GRIN2D: variants seen among roughly 807,000 people sequenced by gnomAD.
GRIN2D encodes glutamate ionotropic receptor NMDA type subunit 2D, also known as glutamate receptor ionotropic, NMDA 2D.
A neutral mutation model predicts 103.2 loss-of-function variants in GRIN2D; 37 were observed. The ratio of observed to expected loss-of-function variants is 0.36; its 90% confidence interval spans 0.28 to 0.47. The LOEUF (loss-of-function observed/expected upper bound fraction) is 0.47. Ranked by LOEUF, GRIN2D falls within the 20% of genes least tolerant of loss-of-function variation. The probability of loss-of-function intolerance (pLI) is 1.00; values close to 1 mark genes in which losing one functional copy is unlikely to be tolerated. For missense variants in GRIN2D, 1,557 were observed against 1,910.6 expected (o/e 0.81, Z 3.45); for synonymous variants, 845 against 885.6 (o/e 0.95, Z 0.81).
chr19:48,434,560 CTTCTT>C (rs1053619160), intron 11 of GRIN2D, among the ~76,000 whole-genome samples: 14 of 151,866 alleles, frequency 9.2e-5, no homozygotes, highest in African/African-American at 2.4e-4. Flanking sequence ...GCCTGGCCCA[CTTCTT>C]TTCTTTTCTT....
At chr19:48,436,105 C>T (rs1290676293) in intron 11 of GRIN2D, among the ~76,000 whole-genome samples, 2 of 152,096 alleles carry the variant, frequency 1.3e-5, no homozygotes, top group Non-Finnish European at 2.9e-5. Context: ...TTTATCAAGA[C>T]GGGGGGTCTG....
chr19:48,410,824 GGAA>G (rs1204771580), intron 4 of GRIN2D, among the ~76,000 whole-genome samples: 7 of 152,122 alleles, frequency 4.6e-5, no homozygotes, highest in African/African-American at 1.4e-4. Flanking sequence ...CCCCAGGCCA[GGAA>G]GAAGGAGACT....
At chr19:48,435,840 C>T (rs1225454799) in intron 11 of GRIN2D, among the ~76,000 whole-genome samples, 1 of 152,244 alleles carries the variant, frequency 6.6e-6, no homozygotes, top group African/African-American at 2.4e-5. Flanking sequence ...AAGTCCCTGC[C>T]TCATGGAACT....
At chr19:48,404,697 C>T in intron 3 of GRIN2D, 37 bp from the exon 4 acceptor site, 1 of 1,545,364 alleles carries the variant, frequency 6.5e-7, no homozygotes, top group Non-Finnish European at 8.7e-7. Flanking sequence ...AAGGTCCCCA[C>T]ATCGGCAGGC....
chr19:48,415,141 C>T (rs1020048019), intron 7 of GRIN2D, 109 bp downstream of exon 7: 3 of 1,025,582 alleles, frequency 2.9e-6, no homozygotes, highest in Non-Finnish European at 4.2e-6. Context: ...GAAGCCGAGG[C>T]GGGCGAATTG....
Position 48,414,172 on chromosome 19 carries a change from G to A in GRIN2D, c.1200+67G>A, listed in dbSNP as rs753257262. The A allele has an allele frequency of 3.8e-5, 40 of 1,050,980 alleles. No individual in the cohort carries two copies. Among genetic ancestry groups the A allele is most frequent in the Non-Finnish European group, 5.3e-5 (36 of 679,750 alleles). The allele number at this position is 1,050,980 out of a possible 1,614,324, so 65.1% of individuals were successfully genotyped here. The stretch of plus-strand genomic sequence containing the variant: ...GACTCCTGCATCCTGGCAGAGGGGG[G>A]GCTTGAGGTCGTGGACTAAGAGGGA... On this transcript the variant is annotated intron_variant, in intron 5 of 13. Transcript: ENST00000263269. This position sits in a 1 kb window ranked among gnomAD's most constrained non-coding sequence, Gnocchi z 4.6.
Position 48,443,846 on chromosome 19 carries a change from T to C in GRIN2D, c.3920T>C (p.Leu1307Pro). 1 of 1,485,062 alleles carries C rather than the reference T, an allele frequency of 6.7e-7. No individual in the cohort carries two copies. Among genetic ancestry groups the C allele is most frequent in the Admixed American group, 2.3e-5 (1 of 44,290 alleles). 92.0% of individuals were successfully genotyped at this position (1,485,062 alleles called of 1,614,324 possible). ...CPHAAHWGPP[L>P]PTASHRRHRG... ...CACGCCGCGCACTGGGGGCCGCCGC[T>C]GCCCACAGCTTCCCACCGGAGACAC... The change falls in exon 14 of 14, where the codon CTG becomes CCG. Residue 1307 changes from leucine (L) to proline (P), a missense_variant. Leu to Pro is a moderately conservative substitution (Grantham distance 98). Around this residue, in one of 7 missense-constraint regions of GRIN2D, gnomAD observed 88 missense variants for 84.3 expected, o/e 1.04. Transcript: ENST00000263269. The surrounding 1 kb of genome is among the most constrained non-coding windows in gnomAD (Gnocchi z 8.9).
rs1309442475 is a variant in GRIN2D, at chr19:48,398,705, G to C, written c.313G>C (p.Asp105His). The C allele has an allele frequency of 1.4e-6, 2 of 1,465,736 alleles. No homozygotes were observed. The highest frequency in any genetic ancestry group is 9.0e-7 in the Non-Finnish European group (1 of 1,114,264). The allele number at this position is 1,465,736 out of a possible 1,614,324, so 90.8% of individuals were successfully genotyped here. A position where few individuals can be genotyped will look rare whatever the true frequency, so the allele number is the denominator to read the frequency against. The change falls in exon 3 of 14, where the codon GAC (aspartate) becomes CAC (histidine). Residue 105 changes from aspartate to histidine, a missense_variant. Transcript: ENST00000263269. ...DPRSLVLQLC[D>H]LLSGLRVHGV... ...GCGCAGCCTCGTGCTGCAGCTCTGC[G>C]ACCTGCTGTCGGGGTTGCGCGTGCA...
chr19:48,434,272 G>A (rs1288004431), intron 11 of GRIN2D, among the ~76,000 whole-genome samples: 8 of 150,806 alleles, frequency 5.3e-5, no homozygotes, highest in Admixed American at 2.6e-4. Context: ...ATTTTCTTTT[G>A]AGATGCAGTC....
intron 11 of GRIN2D, among the ~76,000 whole-genome samples, chr19:48,423,822 TTTTG>T (rs1971053058): frequency 6.6e-6 from 1 of 152,068 alleles, no homozygotes; most frequent in Non-Finnish European, 1.5e-5. Flanking sequence ...TGATTTCTGT[TTTTG>T]TTTGTTTTGA....
chr19:48,439,261 T>TA (rs1971265200), intron 11 of GRIN2D, among the ~76,000 whole-genome samples: 2 of 151,206 alleles, frequency 1.3e-5, no homozygotes, highest in South Asian at 4.2e-4. Context: ...AATAAATATT[T>TA]AAAAAATATA....
chr19:48,399,303 C>T (rs948679716), intron 3 of GRIN2D, among the ~76,000 whole-genome samples: 1 of 152,168 alleles, frequency 6.6e-6, no homozygotes, highest in African/African-American at 2.4e-5. Context: ...CGGTGGCTCA[C>T]GCCTGTAATC....
intron 11 of GRIN2D, among the ~76,000 whole-genome samples, chr19:48,431,703 G>A (rs1189062410): frequency 6.6e-6 from 1 of 151,138 alleles, no homozygotes; most frequent in Non-Finnish European, 1.5e-5. Flanking sequence ...TCCTGTCTCA[G>A]CCTCCCAAGC....
Position 48,418,602 on chromosome 19 carries a change from A to G in GRIN2D, c.1736-632A>G, listed in dbSNP as rs1443053850. 9.2e-5 allele frequency among the ~76,000 whole-genome samples: 14 copies of G among 152,254 alleles called. No homozygotes were observed. The East Asian group carries it at 2.3e-3, about 25-fold the overall frequency. The stretch of plus-strand genomic sequence containing the variant: ...CCATGAGAATGGAGAGGAGAGGCCC[A>G]AGTAGCATCAGGGGCAGGAGCGTGG... On this transcript the variant is annotated intron_variant, in intron 8 of 13. Transcript: ENST00000263269.
In GRIN2D at chr19:48,414,409, T is replaced by C. The variant is rs1366780474; in HGVS notation, c.1237T>C (p.Tyr413His). 3.1e-6 allele frequency: 5 copies of C among 1,610,100 alleles called. No individual in the cohort carries two copies. The highest frequency in any genetic ancestry group is 3.4e-6 in the Non-Finnish European group (4 of 1,178,586). The change falls in exon 6 of 14, where the codon TAC becomes CAC. Residue 413 changes from tyrosine to histidine, a missense_variant. Physicochemically the swap from Tyr to His is moderately conservative, Grantham distance 83. Around this residue, in one of 7 missense-constraint regions of GRIN2D, gnomAD observed 490 missense variants for 601.1 expected, o/e 0.82. Transcript: ENST00000263269. This position sits in a 1 kb window ranked among gnomAD's most constrained non-coding sequence, Gnocchi z 4.6. Reference sequence around the variant, plus strand: ...GGAGCAGCAGACGCTCCGCCTCAAGTACCCGCTGTGGTCCCGCTATGGTCG... The same window carrying C: ...GGAGCAGCAGACGCTCCGCCTCAAGCACCCGCTGTGGTCCCGCTATGGTCG... ...SWEQQTLRLK[Y>H]PLWSRYGRFL...
chr19:48,394,355 C>T lies in GRIN2D; in HGVS notation c.-305-303C>T, dbSNP rs1281724571. On this transcript the variant is annotated intron_variant, in intron 1 of 13. Coordinates refer to ENST00000263269, the MANE Select transcript of GRIN2D (RefSeq NM_000836.4). This position sits in a 1 kb window ranked among gnomAD's most constrained non-coding sequence, Gnocchi z 5.1. ...GGTGGCCAAGCGAGGAAGGGGCAAG[C>T]AGTTCCCCAAGCAGGCAATCTCCCG... Among the ~76,000 whole-genome samples, 1 of 150,930 alleles carries T rather than the reference C, an allele frequency of 6.6e-6. No individual in the cohort carries two copies. The highest frequency in any genetic ancestry group is 1.5e-5 in the Non-Finnish European group (1 of 67,818).
chr19:48,417,025 G>A (rs572568321), intron 8 of GRIN2D, among the ~76,000 whole-genome samples: 3 of 152,260 alleles, frequency 2.0e-5, no homozygotes, highest in South Asian at 2.1e-4. Flanking sequence ...AATTACAGGC[G>A]TGAGCCACTG....
chr19:48,419,123 C>T, intron 8 of GRIN2D, 111 bp from the exon 9 acceptor site: 2 of 916,600 alleles, frequency 2.2e-6, no homozygotes, highest in Non-Finnish European at 3.2e-6. Context: ...AAGTGATCCT[C>T]CTGCCTCAGC....
chr19:48,412,465 GAAAGAAAGAAAGAA>G (rs1569063221), intron 4 of GRIN2D, among the ~76,000 whole-genome samples: 3 of 148,744 alleles, frequency 2.0e-5, no homozygotes, highest in East Asian at 2.0e-4. Context: ...AAGAAAGAAA[GAAAGAAAGAAAGAA>G]AGAGAGAGAA....
Sources: gnomAD v4.1 joint callset for allele counts (sites outside exome capture counted in the v4.1 genomes callset) on GRCh38, gnomAD v4.1.1 for gene constraint, gnomAD v4.1.1 regional missense constraint, Gnocchi (gnomAD v3.1) non-coding constraint, MANE v1.5 for transcripts, NCBI Gene and HGNC (gene_info 2026-07-23, HGNC 2026-07-21) for gene names.